ITGA5: variants seen among roughly 807,000 people sequenced by gnomAD.
The protein encoded by ITGA5 is integrin subunit alpha 5.
ITGA5 carries 55 observed loss-of-function variants against 146.3 expected under a neutral mutation model. The ratio of observed to expected loss-of-function variants is 0.38; its 90% CI spans 0.30 to 0.47. The LOEUF is 0.47. Among genes scored for constraint, ITGA5 ranks in the 20% least tolerant of loss-of-function variants. ITGA5 has a pLI of 0.99. For missense variants in ITGA5, 1,131 were observed against 1,329.0 expected, an observed-to-expected ratio of 0.85 and a Z score of 2.32; for synonymous variants, 500 against 531.8, an observed-to-expected ratio of 0.94 and a Z score of 0.82.
rs1046132287 is a variant in ITGA5, at chr12:54,405,002, C to A, written c.1226-108G>T. On this transcript the variant is annotated intron_variant, in intron 12 of 29. Coordinates refer to ENST00000293379, the MANE Select transcript of ITGA5 (RefSeq NM_002205.5). ...ATCCTATTTTTTCCCATCTGTCAGT[C>A]CCTATATTCTAATCTTCAAATCCCA... 1.5e-5 allele frequency: 18 copies of A among 1,192,992 alleles called. No homozygotes were observed. The African/African-American group carries it at 2.3e-4, about 15-fold the overall frequency. The allele number at this position is 1,192,992 out of a possible 1,614,324, so 73.9% of individuals were successfully genotyped here. A position where few individuals can be genotyped will look rare whatever the true frequency, so the allele number is the denominator to read the frequency against.
chr12:54,398,191 C>T (rs1565637363), intron 28 of ITGA5, among the ~76,000 whole-genome samples: 1 of 152,226 alleles, frequency 6.6e-6, no homozygotes, highest in Non-Finnish European at 1.5e-5. Context: ...AGCCACTGCG[C>T]TCAGCCTCAT....
chr12:54,399,751 G>A lies in ITGA5; in HGVS notation c.2735C>T (p.Pro912Leu), dbSNP rs142652896. 1.9e-5 allele frequency: 31 copies of A among 1,613,948 alleles called. No individual in the cohort carries two copies. Among genetic ancestry groups the A allele is most frequent in the Middle Eastern group, 1.6e-4 (1 of 6,084 alleles). Residue 912 changes from proline to leucine, a missense_variant, in exon 27 of 30, where the codon CCG becomes CTG. Around this residue, in one of 3 missense-constraint regions of ITGA5, gnomAD observed 889 missense variants for 1,021.5 expected, o/e 0.87. Transcript: ENST00000293379. ...GCGCAGCCTGAAACACTCAGCCTCC[G>A]GGCATTTCTAGGAAGAAAGAAGCTT... ...ASSGPQILKC[P>L]EAECFRLRCE...
chr12:54,397,280 C>T, intron 29 of ITGA5, 85 bp downstream of exon 29: 3 of 1,501,426 alleles, frequency 2.0e-6, no homozygotes, highest in Non-Finnish European at 2.8e-6. Context: ...GTGAACTGGT[C>T]TAGAGGTAGA....
chr12:54,409,093 C>G lies in ITGA5; in HGVS notation c.583+139G>C, dbSNP rs193266560. On this transcript the variant is annotated intron_variant, in intron 4 of 29. Coordinates refer to ENST00000293379, the MANE Select transcript of ITGA5 (RefSeq NM_002205.5). The surrounding 1 kb of genome is among the most constrained non-coding windows in gnomAD (Gnocchi z 4.7). ...ACCAGACAGTAAGCATAAAGGCTAA[C>G]GAACTGGGTTAGCCTTTATCTTAAG... 4.2e-6 allele frequency: 6 copies of G among 1,426,690 alleles called. No homozygotes were observed. In the Admixed American group the frequency reaches 9.4e-5, roughly 22 times the overall value. 88.4% of individuals were successfully genotyped at this position (1,426,690 alleles called of 1,614,324 possible).
rs766717100 is a variant in ITGA5 at position 54,404,819 on chromosome 12, C to T, written c.1301G>A (p.Gly434Glu). The T allele has an allele frequency of 1.2e-6, 2 of 1,612,180 alleles. No individual in the cohort carries two copies. The highest frequency in any genetic ancestry group is 1.7e-6 in the Non-Finnish European group (2 of 1,179,204). Residue 434 changes from glycine (G) to glutamate (E), a missense_variant, in exon 13 of 30, where the codon GGG becomes GAG. Around this residue, in one of 3 missense-constraint regions of ITGA5, gnomAD observed 889 missense variants for 1,021.5 expected, o/e 0.87. Transcript: ENST00000293379. ...VVFVFPGGPG[G>E]LGSKPSQVLQ... The stretch of plus-strand genomic sequence containing the variant: ...AACCTGGGAAGGCTTAGAGCCCAGC[C>T]CTCCTGGGCCCCCAGGAAATACAAA...
At chr12:54,402,696 G>A (rs7961438) in intron 19 of ITGA5, among the ~76,000 whole-genome samples, 171 of 149,364 alleles carry the variant, frequency 1.1e-3, no homozygotes, top group African/African-American at 4.0e-3. Flanking sequence ...GCATGACTCC[G>A]TCTCAAAAAA....
chr12:54,412,858 C>T (rs933332605), intron 1 of ITGA5, among the ~76,000 whole-genome samples: 5 of 152,106 alleles, frequency 3.3e-5, no homozygotes, highest in African/African-American at 1.2e-4. Flanking sequence ...TTGGTTTCCC[C>T]TAAGGGTCTC....
At position 54,401,670 on chromosome 12, in the gene ITGA5, G is replaced by A. The variant is rs1472746843; in HGVS notation, c.2307-5C>T. The A allele has an allele frequency of 6.2e-6, 10 of 1,614,000 alleles. No individual in the cohort carries two copies. Among genetic ancestry groups the A allele is most frequent in the Non-Finnish European group, 8.5e-6 (10 of 1,179,990 alleles). Reference sequence around the variant, plus strand: ...TGCGAGTTGTTGAGATTCTTGCTGTGGGATGGAGGCAAGACTGAGGTGCTG... The same window carrying A: ...TGCGAGTTGTTGAGATTCTTGCTGTAGGATGGAGGCAAGACTGAGGTGCTG... On this transcript the variant is annotated splice_polypyrimidine_tract_variant and splice_region_variant and intron_variant, in intron 22 of 29. Transcript: ENST00000293379. This position sits in a 1 kb window ranked among gnomAD's most constrained non-coding sequence, Gnocchi z 5.0.
In ITGA5 at chr12:54,408,117, G is replaced by A. The variant is rs752261215; in HGVS notation, c.810C>T (p.Ser270=). Residue 270 remains serine, a synonymous_variant, in exon 7 of 30, where the codon AGC becomes AGT. Coordinates refer to ENST00000293379, the MANE Select transcript of ITGA5 (RefSeq NM_002205.5). ...TRQASSIYDD[S]YLGYSVAVGE... is the part of the protein sequence containing the mutation. ...CCCCACTTGCTTGCTCACCTAGGTA[G>A]CTGTCATCATAGATGGAACTGGCCT... is the stretch of plus-strand genomic sequence containing the variant. The A allele has an allele frequency of 3.1e-6, 5 of 1,614,200 alleles. No homozygotes were observed. Among genetic ancestry groups the A allele is most frequent in the Non-Finnish European group, 3.4e-6 (4 of 1,180,040 alleles).
At chr12:54,396,865 T>C (rs754386223) in intron 29 of ITGA5, among the ~76,000 whole-genome samples, 1 of 152,028 alleles carries the variant, frequency 6.6e-6, no homozygotes, top group African/African-American at 2.4e-5. Flanking sequence ...TGTGTTTTTT[T>C]TGTAGAGACA....
chr12:54,418,856 G>T, intron 1 of ITGA5, 125 bp downstream of exon 1: 1 of 1,153,520 alleles, frequency 8.7e-7, no homozygotes, highest in Non-Finnish European at 1.2e-6. Flanking sequence ...GCCCCCAACT[G>T]CAGCTCTATT....
At chr12:54,408,841 TCCC>T in intron 5 of ITGA5, 40 bp from the exon 6 acceptor site, 1 of 1,572,634 alleles carries the variant, frequency 6.4e-7, no homozygotes, top group Non-Finnish European at 8.7e-7. Context: ...CTGGTCCCAA[TCCC>T]CCCATGTCCA....
rs773705678 is a variant in ITGA5 at position 54,403,144 on chromosome 12, G to C, written c.1914+43C>G. 21 of 1,588,920 alleles carry C rather than the reference G, an allele frequency of 1.3e-5. No individual in the cohort carries two copies. The highest frequency in any genetic ancestry group is 1.8e-5 in the Non-Finnish European group (21 of 1,168,134). On this transcript the variant is annotated intron_variant, in intron 18 of 29. Transcript: ENST00000293379. This position sits in a 1 kb window ranked among gnomAD's most constrained non-coding sequence, Gnocchi z 4.9. ...CATGGCCCTGCCCCCCCAATACCCA[G>C]GCCTCTGTCTTCCCAGGTCCCTTCT...
chr12:54,397,491 G>A lies in ITGA5; in HGVS notation c.2944-4C>T. On this transcript the variant is annotated splice_region_variant and splice_polypyrimidine_tract_variant and intron_variant, in intron 28 of 29. Transcript: ENST00000293379. ...TCCATTGCACAGCTGTGGCCACCTG[G>A]GGAGCAAGTTGGGTGAAGTCAATGA... 1.2e-6 allele frequency: 2 copies of A among 1,613,792 alleles called. No individual in the cohort carries two copies. The highest frequency in any genetic ancestry group is 1.7e-6 in the Non-Finnish European group (2 of 1,179,938).
In ITGA5 at chr12:54,409,347, G is replaced by A. The variant is rs142802486; in HGVS notation, c.468C>T (p.Cys156=). The A allele has an allele frequency of 1.8e-5, 29 of 1,612,112 alleles. No individual in the cohort carries two copies. The African/African-American group carries it at 2.3e-4, about 13-fold the overall frequency. The part of the protein sequence containing the change: ...VRAHGSSILA[C]APLYSWRTEK... ...CTGTGCGCCAGCTGTACAGTGGAGC[G>A]CATGCCTGGGAGGGCCCAGGAGGAG... Residue 156 remains cysteine (C), a synonymous_variant, in exon 4 of 30, where the codon TGC becomes TGT. Coordinates refer to ENST00000293379, the MANE Select transcript of ITGA5 (RefSeq NM_002205.5). The surrounding 1 kb of genome is among the most constrained non-coding windows in gnomAD (Gnocchi z 4.7).
At chr12:54,397,264 T>A in intron 29 of ITGA5, 101 bp downstream of exon 29, 1 of 1,332,516 alleles carries the variant, frequency 7.5e-7, no homozygotes, top group Non-Finnish European at 1.1e-6. Flanking sequence ...TGGGGGCACA[T>A]GGCTGGTGAA....
At position 54,401,534 on chromosome 12, in the gene ITGA5, C is replaced by G; in HGVS notation, c.2387+51G>C. 1.2e-6 allele frequency: 2 copies of G among 1,605,616 alleles called. No homozygotes were observed. The highest frequency in any genetic ancestry group is 1.7e-6 in the Non-Finnish European group (2 of 1,172,516). ...GAAGGAACCCCATATGCATCCTTCC[C>G]TAGAAGTCTGTGTCCCCTCTCAGAA... is the stretch of plus-strand genomic sequence containing the variant. On this transcript the variant is annotated intron_variant, in intron 23 of 29. Transcript: ENST00000293379. This position sits in a 1 kb window ranked among gnomAD's most constrained non-coding sequence, Gnocchi z 5.0.
intron 19 of ITGA5, 112 bp from the exon 20 acceptor site, chr12:54,402,442 A>C: frequency 1.0e-6 from 1 of 977,316 alleles, no homozygotes; most frequent in Non-Finnish European, 1.5e-6. Context: ...CACACCTGTA[A>C]TCCCAGCACT....
chr12:54,411,680 TCCACTGTAAG>T (rs1955944989), intron 2 of ITGA5, among the ~76,000 whole-genome samples, 144 bp downstream of exon 2: 1 of 152,092 alleles, frequency 6.6e-6, no homozygotes, highest in Non-Finnish European at 1.5e-5. Flanking sequence ...GCCATGGGGA[TCCACTGTAAG>T]CAGTTGGAGC....
Sources: gnomAD v4.1 joint callset for allele counts (sites outside exome capture counted in the v4.1 genomes callset) on GRCh38, gnomAD v4.1.1 for gene constraint, gnomAD v4.1.1 regional missense constraint, Gnocchi (gnomAD v3.1) non-coding constraint, MANE v1.5 for transcripts, NCBI Gene and HGNC (gene_info 2026-07-23, HGNC 2026-07-21) for gene names.